LRRC58: variants seen among roughly 807,000 people sequenced by gnomAD.
The protein encoded by LRRC58 is leucine-rich repeat-containing protein 58.
A neutral mutation model predicts 30.6 loss-of-function variants in LRRC58; 18 were observed. That is an observed-to-expected ratio of 0.59 (90% confidence interval 0.41 to 0.87). LRRC58 has a LOEUF of 0.87. Among genes scored for constraint, LRRC58 ranks in the 40% least tolerant of loss-of-function variants. The pLI is 0.00. For synonymous variants in LRRC58, 221 were observed against 206.0 expected (o/e 1.07, Z -0.62); for missense variants, 420 against 468.4 (o/e 0.90, Z 0.95).
rs1935729467 is a variant in LRRC58 at position 120,329,802 on chromosome 3, GTTA to G, written c.*1395_*1397del. 1 of 151,854 alleles carries G rather than the reference GTTA, an allele frequency of 6.6e-6. No individual in the cohort carries two copies. The highest frequency in any genetic ancestry group is 2.4e-5 in the African/African-American group (1 of 41,396). The allele number at this position is 151,854 out of a possible 1,614,324, so 9.4% of individuals were successfully genotyped here. ...CATTAACCAACAAGTCATGTTATTA[GTTA>G]TTTAATGATTACCAGTAAGCACTTA... is the stretch of plus-strand genomic sequence containing the variant. On this transcript the variant is annotated 3_prime_UTR_variant, in exon 4 of 4. Transcript: ENST00000295628.
At chr3:120,338,565 G>A (rs934499772) in intron 1 of LRRC58, among the ~76,000 whole-genome samples, 1 of 152,186 alleles carries the variant, frequency 6.6e-6, no homozygotes, top group East Asian at 1.9e-4. Context: ...TAGAGAGGGT[G>A]GACAGAAAAA....
At chr3:120,343,506 T>G (rs1935929717) in intron 1 of LRRC58, among the ~76,000 whole-genome samples, 1 of 152,222 alleles carries the variant, frequency 6.6e-6, no homozygotes, top group African/African-American at 2.4e-5. Context: ...AGAAAAGTAC[T>G]CACTAAATTT....
In LRRC58 at chr3:120,329,001, C is replaced by G. The variant is rs1413341178; in HGVS notation, c.*2199G>C. The stretch of plus-strand genomic sequence containing the variant: ...CTATTTACATCTGTAAAAGATGAAG[C>G]AGTAGACCTTTCTAGGAAGCTGGAA... On this transcript the variant is annotated 3_prime_UTR_variant, in exon 4 of 4. Transcript: ENST00000295628. 6.6e-6 allele frequency: 1 copy of G among 152,100 alleles called. No individual in the cohort carries two copies. The highest frequency in any genetic ancestry group is 1.5e-5 in the Non-Finnish European group (1 of 67,990). 9.4% of individuals were successfully genotyped at this position (152,100 alleles called of 1,614,324 possible). A position where few individuals can be genotyped will look rare whatever the true frequency, so the allele number is the denominator to read the frequency against.
chr3:120,349,271 G>T lies in LRRC58; in HGVS notation c.-28C>A. The T allele has an allele frequency of 1.5e-6, 2 of 1,357,262 alleles. No individual in the cohort carries two copies. Among genetic ancestry groups the T allele is most frequent in the Non-Finnish European group, 9.4e-7 (1 of 1,061,668 alleles). 84.1% of individuals were successfully genotyped at this position (1,357,262 alleles called of 1,614,324 possible). A position where few individuals can be genotyped will look rare whatever the true frequency, so the allele number is the denominator to read the frequency against. ...TGGCCACCGCACGGCGCGTGGCGCC[G>T]GATTCCCCAGAGCGCCGCGCGCGGT... On this transcript the variant is annotated 5_prime_UTR_variant, in exon 1 of 4. Transcript: ENST00000295628.
chr3:120,328,491 A>G lies in LRRC58; in HGVS notation c.*2709T>C, dbSNP rs989491878. On this transcript the variant is annotated 3_prime_UTR_variant, in exon 4 of 4. Coordinates refer to ENST00000295628, the MANE Select transcript of LRRC58 (RefSeq NM_001099678.2). The stretch of plus-strand genomic sequence containing the variant: ...AAATCGTCCAAGTAGAGCAATATCA[A>G]AAACTTATTTCATTATAAAAATTAG... 2.0e-5 allele frequency: 3 copies of G among 152,240 alleles called. No individual in the cohort carries two copies. Among genetic ancestry groups the G allele is most frequent in the African/African-American group, 7.2e-5 (3 of 41,468 alleles). 9.4% of individuals were successfully genotyped at this position (152,240 alleles called of 1,614,324 possible).
At position 120,325,971 on chromosome 3, in the gene LRRC58, G is replaced by A. The variant is rs1269559166; in HGVS notation, c.*5229C>T. ...TAGGCCATTTTATGAGAAGGAATCT[G>A]TCAGGATCACAGTCTTTCTCCCTCA... On this transcript the variant is annotated 3_prime_UTR_variant, in exon 4 of 4. Transcript: ENST00000295628. The A allele has an allele frequency of 6.6e-6, 1 of 152,118 alleles. No homozygotes were observed. Among genetic ancestry groups the A allele is most frequent in the African/African-American group, 2.4e-5 (1 of 41,416 alleles). The allele number at this position is 152,118 out of a possible 1,614,324, so 9.4% of individuals were successfully genotyped here.
At chr3:120,347,847 C>T (rs1433209198) in intron 1 of LRRC58, among the ~76,000 whole-genome samples, 2 of 152,214 alleles carry the variant, frequency 1.3e-5, no homozygotes, top group African/African-American at 2.4e-5. Flanking sequence ...CTATTTCCCA[C>T]TCCCCCACCG....
chr3:120,336,066 A>T, intron 1 of LRRC58, 113 bp from the exon 2 acceptor site: 1 of 764,040 alleles, frequency 1.3e-6, no homozygotes, highest in South Asian at 1.9e-5. Context: ...TGTTTTACTT[A>T]AGATTTGCTA....
Position 120,329,404 on chromosome 3 carries a change from T to C in LRRC58, c.*1796A>G, listed in dbSNP as rs1252511444. 1 of 152,052 alleles carries C rather than the reference T, an allele frequency of 6.6e-6. No homozygotes were observed. Among genetic ancestry groups the C allele is most frequent in the Non-Finnish European group, 1.5e-5 (1 of 67,944 alleles). The allele number at this position is 152,052 out of a possible 1,614,324, so 9.4% of individuals were successfully genotyped here. A position where few individuals can be genotyped will look rare whatever the true frequency, so the allele number is the denominator to read the frequency against. ...TATAATCACCTATGTATTACTCTTC[T>C]AGGCAGTAGGAACATATTAGATTAC... is the stretch of plus-strand genomic sequence containing the variant. On this transcript the variant is annotated 3_prime_UTR_variant, in exon 4 of 4. Coordinates refer to ENST00000295628, the MANE Select transcript of LRRC58 (RefSeq NM_001099678.2).
chr3:120,332,259 T>A (rs1559992996), intron 3 of LRRC58, among the ~76,000 whole-genome samples: 1 of 152,244 alleles, frequency 6.6e-6, no homozygotes, highest in East Asian at 1.9e-4. Context: ...ATACTCTGCC[T>A]AAGTTTCTTC....
chr3:120,341,497 G>T (rs1057509582), intron 1 of LRRC58, among the ~76,000 whole-genome samples: 8 of 152,188 alleles, frequency 5.3e-5, no homozygotes, highest in African/African-American at 1.9e-4. Flanking sequence ...TTAGGTCAGT[G>T]TTATGGATTG....
At chr3:120,342,622 C>A (rs902473073) in intron 1 of LRRC58, among the ~76,000 whole-genome samples, 45 of 152,314 alleles carry the variant, frequency 3.0e-4, no homozygotes, top group African/African-American at 1.0e-3. Flanking sequence ...GGACCACCTG[C>A]CTACAGAGAG....
intron 1 of LRRC58, among the ~76,000 whole-genome samples, chr3:120,345,380 C>T (rs1935955306): frequency 6.6e-6 from 1 of 152,268 alleles, no homozygotes; most frequent in Non-Finnish European, 1.5e-5. Flanking sequence ...AGCAGCATGG[C>T]ATACATAGTA....
In LRRC58 at chr3:120,348,914, G is replaced by C. The variant is rs762935210; in HGVS notation, c.330C>G (p.Pro110=). ...AGAGCGGCGACTGGGCCAGGCCCTT[G>C]GGCAGCGCACTGGGCCCGCCGAGCC... ...NNRLGGPSAL[P]KGLAQSPLCR... is the part of the protein sequence containing the mutation. The change falls in exon 1 of 4, where the codon CCC becomes CCG. Residue 110 remains proline, a synonymous_variant. Coordinates refer to ENST00000295628, the MANE Select transcript of LRRC58 (RefSeq NM_001099678.2). The C allele has an allele frequency of 2.6e-5, 41 of 1,560,470 alleles. No individual in the cohort carries two copies. Among genetic ancestry groups the C allele is most frequent in the Non-Finnish European group, 2.6e-6 (3 of 1,154,418 alleles).
chr3:120,335,907 G>A lies in LRRC58; in HGVS notation c.547C>T (p.Pro183Ser), dbSNP rs780150669. 2 of 1,599,496 alleles carry A rather than the reference G, an allele frequency of 1.3e-6. No homozygotes were observed. Among genetic ancestry groups the A allele is most frequent in the Non-Finnish European group, 8.6e-7 (1 of 1,167,338 alleles). ...AGAGAAGGCAGATTTCCTAATTCTG[G>A]TGGGATTTCTTTAATGAAATTTCCT... is the stretch of plus-strand genomic sequence containing the variant. ...LGGNFIKEIPPELGNLPSLNY... is the reference protein window; with the variant it reads ...LGGNFIKEIPSELGNLPSLNY... Residue 183 changes from proline (P) to serine (S), a missense_variant, in exon 2 of 4, where the codon CCA becomes TCA. Transcript: ENST00000295628.
chr3:120,341,737 G>GGCTGCACATTCCAT (rs923355915), intron 1 of LRRC58, among the ~76,000 whole-genome samples: 3 of 151,806 alleles, frequency 2.0e-5, no homozygotes, highest in African/African-American at 7.3e-5. Context: ...ATGGAGCTGG[G>GGCTGCACATTCCAT]GGGAGCCCTG....
intron 1 of LRRC58, 126 bp from the exon 2 acceptor site, chr3:120,336,079 T>C (rs759462246): frequency 1.5e-5 from 10 of 671,400 alleles, no homozygotes; most frequent in Non-Finnish European, 2.0e-5. Flanking sequence ...ATTTGCTATG[T>C]GCTATCCAGT....
In LRRC58 at chr3:120,349,265, G is replaced by T; in HGVS notation, c.-22C>A. 1.5e-6 allele frequency: 2 copies of T among 1,357,910 alleles called. No individual in the cohort carries two copies. Among genetic ancestry groups the T allele is most frequent in the Non-Finnish European group, 1.9e-6 (2 of 1,062,092 alleles). The allele number at this position is 1,357,910 out of a possible 1,614,324, so 84.1% of individuals were successfully genotyped here. A position where few individuals can be genotyped will look rare whatever the true frequency, so the allele number is the denominator to read the frequency against. ...CCATCCTGGCCACCGCACGGCGCGT[G>T]GCGCCGGATTCCCCAGAGCGCCGCG... On this transcript the variant is annotated 5_prime_UTR_variant, in exon 1 of 4. Transcript: ENST00000295628.
chr3:120,336,801 CA>C (rs1935840442), intron 1 of LRRC58, among the ~76,000 whole-genome samples: 1 of 149,484 alleles, frequency 6.7e-6, no homozygotes, highest in African/African-American at 2.4e-5. Context: ...AAGATTTTTG[CA>C]GGGGGTAGCA....
Sources: gnomAD v4.1 joint callset for allele counts (sites outside exome capture counted in the v4.1 genomes callset) on GRCh38, gnomAD v4.1.1 for gene constraint, MANE v1.5 for transcripts, NCBI Gene and HGNC (gene_info 2026-07-23, HGNC 2026-07-21) for gene names.